NKAIN2: variants seen among roughly 807,000 people sequenced by gnomAD.
The protein encoded by NKAIN2 is sodium/potassium-transporting ATPase subunit beta-1-interacting protein 2.
A neutral mutation model predicts 32.6 loss-of-function variants in NKAIN2; 14 were observed. The observed-to-expected ratio is 0.43, with a 90% CI of 0.28 to 0.67. NKAIN2 has a LOEUF of 0.67. NKAIN2 is among the 30% of genes least tolerant of loss of function. The probability of loss-of-function intolerance (pLI) is 0.17; values close to 1 mark genes in which losing one functional copy is unlikely to be tolerated. For synonymous variants in NKAIN2, 80 were observed against 87.2 expected (o/e 0.92, Z 0.46); for missense variants, 198 against 258.3 (o/e 0.77, Z 1.60).
intron 3 of NKAIN2, among the ~76,000 whole-genome samples, chr6:124,417,014 G>A (rs972615825): frequency 3.3e-5 from 5 of 152,242 alleles, no homozygotes; most frequent in South Asian, 2.1e-4. Context: ...ACAAATAAAC[G>A]AGGTCCAGAA....
At chr6:123,982,734 A>G (rs1426603069) in intron 1 of NKAIN2, among the ~76,000 whole-genome samples, 1 of 152,234 alleles carries the variant, frequency 6.6e-6, no homozygotes, top group Non-Finnish European at 1.5e-5. Flanking sequence ...TAAATTTGAT[A>G]GCAAGATAAC....
chr6:124,115,849 T>C (rs1292491382), intron 1 of NKAIN2, among the ~76,000 whole-genome samples: 1 of 152,096 alleles, frequency 6.6e-6, no homozygotes, highest in Non-Finnish European at 1.5e-5. Context: ...TTGGTATGTA[T>C]AGTGATATGT....
chr6:124,548,970 A>C (rs1464778156), intron 3 of NKAIN2, among the ~76,000 whole-genome samples: 2 of 152,162 alleles, frequency 1.3e-5, no homozygotes, highest in Non-Finnish European at 2.9e-5. Context: ...GCCTAACTAA[A>C]GTGGTGTGGA....
chr6:124,320,459 T>C (rs1231848835), intron 2 of NKAIN2, among the ~76,000 whole-genome samples: 1 of 152,176 alleles, frequency 6.6e-6, no homozygotes, highest in African/African-American at 2.4e-5. Flanking sequence ...ATAAGGTTTA[T>C]AATTAGAATG....
At chr6:124,018,646 C>T (rs1342805009) in intron 1 of NKAIN2, among the ~76,000 whole-genome samples, 1 of 152,162 alleles carries the variant, frequency 6.6e-6, no homozygotes, top group Non-Finnish European at 1.5e-5. Context: ...CACCAGTTCC[C>T]AACAAGTTCC....
chr6:123,849,612 G>A (rs576363896), intron 1 of NKAIN2, among the ~76,000 whole-genome samples: 16 of 152,236 alleles, frequency 1.1e-4, no homozygotes, highest in East Asian at 7.7e-4. Context: ...AAGCAGTTTC[G>A]GCAGTCTGCA....
At chr6:124,412,242 G>A (rs1774227979) in intron 3 of NKAIN2, among the ~76,000 whole-genome samples, 1 of 152,174 alleles carries the variant, frequency 6.6e-6, no homozygotes. Flanking sequence ...TTTGGAGGAG[G>A]AGATGTGCTG....
chr6:124,617,548 T>C (rs556107436), intron 3 of NKAIN2, among the ~76,000 whole-genome samples: 4 of 152,344 alleles, frequency 2.6e-5, no homozygotes, highest in African/African-American at 9.6e-5. Flanking sequence ...TACCTGTTTA[T>C]GCATCTATCA....
chr6:124,734,304 A>T (rs1458681828), intron 4 of NKAIN2, among the ~76,000 whole-genome samples: 1 of 151,576 alleles, frequency 6.6e-6, no homozygotes, highest in Non-Finnish European at 1.5e-5. Context: ...TGGGCTTTTA[A>T]TTATCTCCCT....
At chr6:123,804,443 C>G (rs1355647934) in intron 1 of NKAIN2, among the ~76,000 whole-genome samples, 189 bp downstream of exon 1, 3 of 152,082 alleles carry the variant, frequency 2.0e-5, no homozygotes, top group Non-Finnish European at 4.4e-5. Flanking sequence ...TGAGCCTTTC[C>G]GTTCCCACCT....
At chr6:124,756,812 C>A (rs1380130875) in intron 4 of NKAIN2, among the ~76,000 whole-genome samples, 2 of 152,206 alleles carry the variant, frequency 1.3e-5, no homozygotes, top group Middle Eastern at 3.4e-3. Flanking sequence ...CTTTAGGTCT[C>A]TCATGTCATT....
At chr6:124,167,730 G>A (rs147476105) in intron 1 of NKAIN2, among the ~76,000 whole-genome samples, 7 of 152,014 alleles carry the variant, frequency 4.6e-5, no homozygotes, top group East Asian at 1.9e-4. Context: ...TAGCATGAAG[G>A]GTTGTTGAAT....
chr6:124,779,317 AG>A lies in NKAIN2; in HGVS notation c.475-12019del, dbSNP rs1303325755. Among the ~76,000 whole-genome samples the A allele has an allele frequency of 3.3e-3, 231 of 69,020 alleles. 2 individuals are homozygous for A. Among genetic ancestry groups the A allele is most frequent in the African/African-American group, 0.011 (155 of 14,364 alleles). 45.3% of individuals were successfully genotyped at this position (69,020 alleles called of 152,430 possible). A position where few individuals can be genotyped will look rare whatever the true frequency, so the allele number is the denominator to read the frequency against. On this transcript the variant is annotated intron_variant, in intron 4 of 6. Transcript: ENST00000368417. ...GAAGGAGGGAGGGAGGGAGGGAGGG[AG>A]GGAAGGAAGGAAGGAAGGAAGGAAG...
Position 124,209,225 on chromosome 6 carries a change from A to G in NKAIN2, c.55-73780A>G, listed in dbSNP as rs190844815. ...ATGTGAGTGAGAAAATGTGATACGTACCTTTCTCTGCCTGTCTTATTTCAC... is the reference window on the plus strand; with the variant it reads ...ATGTGAGTGAGAAAATGTGATACGTGCCTTTCTCTGCCTGTCTTATTTCAC... On this transcript the variant is annotated intron_variant, in intron 1 of 6. Coordinates refer to ENST00000368417, the MANE Select transcript of NKAIN2 (RefSeq NM_001040214.3). 3.8e-3 allele frequency among the ~76,000 whole-genome samples: 571 copies of G among 151,830 alleles called. 2 individuals carry two copies. Among genetic ancestry groups the G allele is most frequent in the African/African-American group, 0.013 (524 of 41,482 alleles).
At chr6:123,906,674 C>T (rs1774888005) in intron 1 of NKAIN2, among the ~76,000 whole-genome samples, 1 of 152,106 alleles carries the variant, frequency 6.6e-6, no homozygotes, top group African/African-American at 2.4e-5. Context: ...TTTAATAAGA[C>T]CTTTATCATC....
chr6:124,735,290 T>C (rs1312559759), intron 4 of NKAIN2, among the ~76,000 whole-genome samples: 1 of 151,862 alleles, frequency 6.6e-6, no homozygotes, highest in Non-Finnish European at 1.5e-5. Flanking sequence ...GGTGGGTATA[T>C]TATATAAATT....
intron 3 of NKAIN2, among the ~76,000 whole-genome samples, chr6:124,531,773 C>T (rs904634176): frequency 6.6e-5 from 10 of 152,146 alleles, no homozygotes; most frequent in Admixed American, 6.5e-5. Flanking sequence ...CTGGTTCAAG[C>T]GATTCTCGTG....
chr6:124,665,044 A>G (rs1000734396), intron 4 of NKAIN2, among the ~76,000 whole-genome samples: 3 of 152,058 alleles, frequency 2.0e-5, no homozygotes, highest in Non-Finnish European at 4.4e-5. Context: ...TAATGTGCCA[A>G]AATAAACAGA....
chr6:124,719,726 C>CAA (rs11343989), intron 4 of NKAIN2, among the ~76,000 whole-genome samples: 1 of 145,090 alleles, frequency 6.9e-6, no homozygotes, highest in African/African-American at 2.5e-5. Flanking sequence ...CCCTGCTAAT[C>CAA]AAAAAAAAAA....
Sources: allele counts gnomAD v4.1 joint callset (sites outside exome capture counted in the v4.1 genomes callset), GRCh38; gene constraint gnomAD v4.1.1; transcripts MANE v1.5; gene names NCBI Gene and HGNC (gene_info 2026-07-23, HGNC 2026-07-21).